Variants in TMEM135 observed in about 807,000 individuals in gnomAD.
TMEM135 encodes the protein peroxisomal membrane protein 52.
A neutral mutation model predicts 60.3 loss-of-function variants in TMEM135; 30 were observed. That is an observed-to-expected ratio of 0.50 (90% CI 0.37 to 0.68). TMEM135 has a LOEUF of 0.68. Ranked by LOEUF, TMEM135 falls within the 30% of genes least tolerant of loss-of-function variation. The pLI is 0.00. For synonymous variants in TMEM135, 190 were observed against 186.7 expected (o/e 1.02, Z -0.14); for missense variants, 468 against 548.8 (o/e 0.85, Z 1.47).
intron 6 of TMEM135, among the ~76,000 whole-genome samples, chr11:87,272,345 C>T (rs568066647): frequency 1.3e-5 from 2 of 152,038 alleles, no homozygotes; most frequent in Non-Finnish European, 2.9e-5. Context: ...CTGGAGCCAC[C>T]GCACCTAGCC....
intron 4 of TMEM135, among the ~76,000 whole-genome samples, chr11:87,119,231 T>C (rs906921638): frequency 6.6e-6 from 1 of 152,224 alleles, no homozygotes; most frequent in Non-Finnish European, 1.5e-5. Context: ...AGGTTATTAA[T>C]TGGCCTAATT....
chr11:87,134,671 G>C (rs1488293317), intron 4 of TMEM135, among the ~76,000 whole-genome samples: 1 of 152,062 alleles, frequency 6.6e-6, no homozygotes, highest in African/African-American at 2.4e-5. Context: ...TTTTTGTAGA[G>C]GTGGGGTTCT....
At chr11:87,189,036 T>TG (rs1939722717) in intron 5 of TMEM135, among the ~76,000 whole-genome samples, 1 of 151,968 alleles carries the variant, frequency 6.6e-6, no homozygotes, top group Non-Finnish European at 1.5e-5. Flanking sequence ...ATTTCATGTC[T>TG]GTAATAATGC....
intron 1 of TMEM135, among the ~76,000 whole-genome samples, chr11:87,045,776 A>G (rs1590976000): frequency 6.6e-6 from 1 of 152,228 alleles, no homozygotes; most frequent in Non-Finnish European, 1.5e-5. Flanking sequence ...TTATTTGCCA[A>G]TAAATATTGA....
chr11:87,046,417 C>T (rs11234927), intron 1 of TMEM135, among the ~76,000 whole-genome samples: 23,294 of 152,170 alleles, frequency 0.15, 1,864 homozygotes, highest in Non-Finnish European at 0.17. Flanking sequence ...AACAACAAAA[C>T]AAACCCAGTA....
At chr11:87,195,675 G>T (rs562269915) in intron 5 of TMEM135, among the ~76,000 whole-genome samples, 2 of 152,072 alleles carry the variant, frequency 1.3e-5, no homozygotes, top group Non-Finnish European at 2.9e-5. Context: ...CTCCCAAAGC[G>T]TTGGGATTAC....
intron 5 of TMEM135, among the ~76,000 whole-genome samples, chr11:87,212,684 A>G (rs886656909): frequency 3.9e-5 from 6 of 152,026 alleles, no homozygotes; most frequent in Admixed American, 1.3e-4. Context: ...TTAGCTGGAC[A>G]TGGTGGCATG....
intron 5 of TMEM135, among the ~76,000 whole-genome samples, chr11:87,217,454 A>T (rs765209591): frequency 6.6e-6 from 1 of 152,196 alleles, no homozygotes. Context: ...CAATAATGAG[A>T]ACTGACCAAA....
intron 10 of TMEM135, among the ~76,000 whole-genome samples, chr11:87,313,094 G>C (rs1231023811): frequency 2.0e-5 from 3 of 151,766 alleles, no homozygotes; most frequent in Non-Finnish European, 4.4e-5. Context: ...CAGACTTGTA[G>C]TTTAGCCAGC....
chr11:87,138,524 C>G lies in TMEM135; in HGVS notation c.397-18817C>G, dbSNP rs575238959. Among the ~76,000 whole-genome samples, 40 of 152,310 alleles carry G rather than the reference C, an allele frequency of 2.6e-4. No homozygotes were observed. In the South Asian group the frequency reaches 6.4e-3, roughly 24 times the overall value. The stretch of plus-strand genomic sequence containing the variant: ...CCCCAATATAATCAGTAAATAAGCA[C>G]TTACTTGACATAGTCCAAACAATGA... On this transcript the variant is annotated intron_variant, in intron 4 of 14. Coordinates refer to ENST00000305494, the MANE Select transcript of TMEM135 (RefSeq NM_022918.4).
At chr11:87,129,706 A>G (rs1238535112) in intron 4 of TMEM135, among the ~76,000 whole-genome samples, 2 of 151,366 alleles carry the variant, frequency 1.3e-5, no homozygotes, top group African/African-American at 4.9e-5. Context: ...ACACCTGGCT[A>G]ATTTTTGTAT....
intron 6 of TMEM135, among the ~76,000 whole-genome samples, chr11:87,266,441 C>T (rs1041429285): frequency 3.3e-5 from 5 of 152,130 alleles, no homozygotes; most frequent in Admixed American, 1.3e-4. Flanking sequence ...GTATATATAG[C>T]AGAATGTAGC....
intron 5 of TMEM135, among the ~76,000 whole-genome samples, chr11:87,169,333 A>G (rs987119149): frequency 6.7e-6 from 1 of 149,912 alleles, no homozygotes; most frequent in African/African-American, 2.5e-5. Context: ...TGTGAATTTG[A>G]TCCTGTCATT....
chr11:87,054,547 C>G (rs929181178), intron 1 of TMEM135, among the ~76,000 whole-genome samples: 5 of 152,196 alleles, frequency 3.3e-5, no homozygotes, highest in African/African-American at 7.2e-5. Flanking sequence ...CAGATTTGAG[C>G]AAGTTCCTTT....
intron 4 of TMEM135, among the ~76,000 whole-genome samples, chr11:87,141,740 G>A (rs1938267887): frequency 6.6e-6 from 1 of 151,904 alleles, no homozygotes; most frequent in Non-Finnish European, 1.5e-5. Context: ...CCATAGCAGT[G>A]TCTACCCTGC....
intron 6 of TMEM135, among the ~76,000 whole-genome samples, chr11:87,262,714 T>C (rs1213873930): frequency 6.6e-6 from 1 of 152,166 alleles, no homozygotes; most frequent in Non-Finnish European, 1.5e-5. Flanking sequence ...GTGGGGGCAG[T>C]TGGGGAAGTT....
intron 4 of TMEM135, among the ~76,000 whole-genome samples, chr11:87,132,898 T>C (rs1937977077): frequency 6.6e-6 from 1 of 152,094 alleles, no homozygotes; most frequent in African/African-American, 2.4e-5. Context: ...TTAGTAACAA[T>C]AATAAAACAA....
chr11:87,226,199 C>T (rs1940761335), intron 5 of TMEM135, among the ~76,000 whole-genome samples: 1 of 152,134 alleles, frequency 6.6e-6, no homozygotes, highest in African/African-American at 2.4e-5. Context: ...ATTAGCTAAC[C>T]TTTACTTCCA....
At chr11:87,258,740 G>C in intron 6 of TMEM135, 1 of 426,140 alleles carries the variant, frequency 2.3e-6, no homozygotes, top group South Asian at 2.1e-5. Context: ...ACCAGGTTTA[G>C]ATGGATCAAT....
Sources: allele counts gnomAD v4.1 joint callset (sites outside exome capture counted in the v4.1 genomes callset), GRCh38; gene constraint gnomAD v4.1.1; transcripts MANE v1.5; gene names NCBI Gene and HGNC (gene_info 2026-07-23, HGNC 2026-07-21).